The following ARB2A variants were observed in gnomAD, a reference collection of about 807,000 sequenced individuals.
ARB2A encodes the protein cotranscriptional regulator ARB2A.
At chr5:94,032,813 G>C in the ARB2A span, among the ~76,000 whole-genome samples, 3 of 152,156 alleles carry the variant, frequency 2.0e-5, no homozygotes, top group Non-Finnish European at 2.9e-5. Flanking sequence ...GACTTGCTTT[G>C]AGGTGGTTAC....
the ARB2A span, chr5:93,958,946 G>A: frequency 6.3e-7 from 1 of 1,596,006 alleles, no homozygotes; most frequent in Non-Finnish European, 8.5e-7. Context: ...AAAACTCTTT[G>A]GTTCACTCTC....
chr5:93,830,335 A>ATGTGTGTGTG, the ARB2A span, among the ~76,000 whole-genome samples: 5 of 140,404 alleles, frequency 3.6e-5, no homozygotes, highest in Non-Finnish European at 7.7e-5. Context: ...ATATATATAT[A>ATGTGTGTGTG]TATATATATA....
At chr5:93,939,989 CACTA>C in the ARB2A span, among the ~76,000 whole-genome samples, 1 of 151,882 alleles carries the variant, frequency 6.6e-6, no homozygotes, top group Non-Finnish European at 1.5e-5. Context: ...ATACCTAACA[CACTA>C]TCTGTGCTCT....
At chr5:93,729,050 A>C in the ARB2A span, among the ~76,000 whole-genome samples, 1 of 152,076 alleles carries the variant, frequency 6.6e-6, no homozygotes, top group African/African-American at 2.4e-5. Flanking sequence ...TTTTCAGTCA[A>C]AATAAACTCC....
chr5:94,087,877 G>A, the ARB2A span, among the ~76,000 whole-genome samples: 5 of 152,132 alleles, frequency 3.3e-5, no homozygotes, highest in Non-Finnish European at 7.3e-5. Context: ...ACCATATGTA[G>A]CCCAGGTGTG....
chr5:93,711,237 C>T, the ARB2A span, among the ~76,000 whole-genome samples: 6 of 149,600 alleles, frequency 4.0e-5, no homozygotes, highest in African/African-American at 7.4e-5. Context: ...ACATATCTCC[C>T]CCCACCCCAT....
the ARB2A span, among the ~76,000 whole-genome samples, chr5:93,789,293 T>G: frequency 1.3e-4 from 20 of 152,230 alleles, no homozygotes; most frequent in Middle Eastern, 3.2e-3. Flanking sequence ...CTGACACTAC[T>G]GTACGTTTAT....
At chr5:93,911,112 T>C in the ARB2A span, among the ~76,000 whole-genome samples, 2 of 151,730 alleles carry the variant, frequency 1.3e-5, no homozygotes, top group African/African-American at 2.4e-5. Context: ...TGTGCTGACT[T>C]ACAGCATTTA....
the ARB2A span, among the ~76,000 whole-genome samples, chr5:94,020,581 C>G: frequency 6.6e-6 from 1 of 152,118 alleles, no homozygotes; most frequent in Admixed American, 6.6e-5. Flanking sequence ...ATGGTTGTGC[C>G]TTCCTACTCT....
At chr5:93,819,185 CAAAAAAA>C in the ARB2A span, among the ~76,000 whole-genome samples, 5 of 93,204 alleles carry the variant, frequency 5.4e-5, no homozygotes, top group Admixed American at 4.2e-4. Flanking sequence ...AACTCCGTCT[CAAAAAAA>C]AAAAAAAAAA....
At chr5:94,083,801 A>C in the ARB2A span, among the ~76,000 whole-genome samples, 11 of 152,132 alleles carry the variant, frequency 7.2e-5, no homozygotes, top group South Asian at 2.1e-3. Context: ...AACAACAAAA[A>C]GAATCAAAAA....
chr5:93,715,621 T>C, the ARB2A span, among the ~76,000 whole-genome samples: 1 of 151,510 alleles, frequency 6.6e-6, no homozygotes, highest in African/African-American at 2.4e-5. Flanking sequence ...ACTTTCTTCT[T>C]TGCACTGATC....
the ARB2A span, among the ~76,000 whole-genome samples, chr5:93,794,576 G>C: frequency 9.2e-5 from 14 of 152,238 alleles, 1 homozygote; most frequent in South Asian, 1.9e-3. Flanking sequence ...GGATTCAAGG[G>C]CTGCCATTCA....
chr5:93,764,322 A>C, the ARB2A span, among the ~76,000 whole-genome samples: 1 of 152,332 alleles, frequency 6.6e-6, no homozygotes, highest in South Asian at 2.1e-4. Flanking sequence ...AAAGAAGGAA[A>C]GAGAGAAGAA....
the ARB2A span, among the ~76,000 whole-genome samples, chr5:93,875,094 C>CT: frequency 1.3e-5 from 2 of 152,130 alleles, no homozygotes; most frequent in Non-Finnish European, 2.9e-5. Context: ...GTAGCTGGGA[C>CT]TATAGCCATA....
At chr5:93,857,477 G>A in the ARB2A span, among the ~76,000 whole-genome samples, 2 of 152,138 alleles carry the variant, frequency 1.3e-5, no homozygotes, top group Non-Finnish European at 2.9e-5. Context: ...ACCTAAGCAA[G>A]CCTGGGCAAT....
At chr5:93,864,455 C>T in the ARB2A span, among the ~76,000 whole-genome samples, 7 of 152,046 alleles carry the variant, frequency 4.6e-5, no homozygotes, top group Admixed American at 2.6e-4. Flanking sequence ...ATAAATACCA[C>T]CACATTACTG....
chr5:93,910,060 G>A, the ARB2A span, among the ~76,000 whole-genome samples: 1 of 150,676 alleles, frequency 6.6e-6, no homozygotes, highest in East Asian at 1.9e-4. Flanking sequence ...TGCTAATACA[G>A]GTGCATCTAT....
the ARB2A span, among the ~76,000 whole-genome samples, chr5:93,694,202 G>C: frequency 3.9e-5 from 6 of 152,292 alleles, no homozygotes; most frequent in Admixed American, 1.3e-4. Context: ...GATCAGGCAA[G>C]AGAAAGAAAT....
Sources: allele counts gnomAD v4.1 joint callset (sites outside exome capture counted in the v4.1 genomes callset), GRCh38; gene constraint gnomAD v4.1.1; transcripts MANE v1.5; gene names NCBI Gene and HGNC (gene_info 2026-07-23, HGNC 2026-07-21).